Variants in XRN2 observed in about 807,000 individuals in gnomAD.
XRN2 encodes the protein 5'-3' exoribonuclease 2.
In XRN2, 44 loss-of-function variants were observed where a neutral mutation model predicts 138.5. The ratio of observed to expected loss-of-function variants is 0.32; its 90% CI spans 0.25 to 0.41. XRN2 has a LOEUF of 0.41. Ranked by LOEUF, XRN2 falls within the 10% of genes least tolerant of loss-of-function variation. The pLI, the probability that XRN2 is intolerant of heterozygous loss-of-function variation, is 1.00. For missense variants in XRN2, 937 were observed against 1,169.3 expected (o/e 0.80, Z 2.90); for synonymous variants, 354 against 369.4 (o/e 0.96, Z 0.48).
At chr20:21,356,695 G>C in intron 23 of XRN2, 30 bp downstream of exon 23, 1 of 1,575,204 alleles carries the variant, frequency 6.3e-7, no homozygotes, top group Non-Finnish European at 8.7e-7. Flanking sequence ...TAATTGAGGT[G>C]ACTGGAAGGA....
In XRN2 at chr20:21,365,487, A is replaced by G; in HGVS notation, c.2322A>G (p.Ala774=). ...YIFKAVMLPG[A]RKPAAVLKPS... is the part of the protein sequence containing the mutation. ...TTAAAGCTGTAATGCTTCCAGGAGC[A>G]AGGTAACAACAGTAAATTACCTAGA... Residue 774 remains alanine (A), a splice_region_variant and synonymous_variant, in exon 25 of 30, where the codon GCA becomes GCG. Transcript: ENST00000377191. The G allele has an allele frequency of 6.2e-7, 1 of 1,613,906 alleles. No homozygotes were observed. The highest frequency in any genetic ancestry group is 1.1e-5 in the South Asian group (1 of 91,030).
chr20:21,357,958 C>G (rs529439598), intron 24 of XRN2, among the ~76,000 whole-genome samples, 166 bp downstream of exon 24: 1 of 152,308 alleles, frequency 6.6e-6, no homozygotes, highest in Non-Finnish European at 1.5e-5. Flanking sequence ...CCTCTTAACT[C>G]TAAATTATGT....
intron 28 of XRN2, among the ~76,000 whole-genome samples, chr20:21,385,534 T>C (rs2038928713): frequency 6.6e-6 from 1 of 152,236 alleles, no homozygotes. Context: ...GAATTACTTA[T>C]AACACATTGT....
chr20:21,321,016 G>C (rs1435654234), intron 1 of XRN2, among the ~76,000 whole-genome samples: 1 of 151,742 alleles, frequency 6.6e-6, no homozygotes, highest in Admixed American at 6.6e-5. Flanking sequence ...CACTGTTTTG[G>C]TTTGTTTCTT....
At position 21,348,143 on chromosome 20, in the gene XRN2, T is replaced by C; in HGVS notation, c.1666-3T>C. On this transcript the variant is annotated splice_polypyrimidine_tract_variant and splice_region_variant and intron_variant, in intron 17 of 29. Coordinates refer to ENST00000377191, the MANE Select transcript of XRN2 (RefSeq NM_012255.5). ...TTTGTTGTTACTTTTTTAATGATTCTAGGGCTGTGCTTCCTGGAAGTGGTA... is the reference window on the plus strand; with the variant it reads ...TTTGTTGTTACTTTTTTAATGATTCCAGGGCTGTGCTTCCTGGAAGTGGTA... 6.2e-7 allele frequency: 1 copy of C among 1,605,788 alleles called. No individual in the cohort carries two copies.
chr20:21,356,484 T>G, intron 22 of XRN2, 102 bp from the exon 23 acceptor site: 1 of 1,032,958 alleles, frequency 9.7e-7, no homozygotes, highest in African/African-American at 1.6e-5. Context: ...TGTTTCTGCC[T>G]TTTGGCTCTT....
At chr20:21,331,502 G>T in intron 6 of XRN2, 59 bp from the exon 7 acceptor site, 1 of 1,427,522 alleles carries the variant, frequency 7.0e-7, no homozygotes, top group Non-Finnish European at 9.8e-7. Flanking sequence ...TAATTCTTTT[G>T]ATTTTTGTGC....
chr20:21,308,544 A>G, intron 1 of XRN2, among the ~76,000 whole-genome samples: 1 of 152,204 alleles, frequency 6.6e-6, no homozygotes, highest in East Asian at 1.9e-4. Context: ...TTTTAGTTTT[A>G]GGTAGTCCAG....
chr20:21,380,452 A>C (rs1296535011), intron 27 of XRN2, among the ~76,000 whole-genome samples: 1 of 152,148 alleles, frequency 6.6e-6, no homozygotes, highest in Non-Finnish European at 1.5e-5. Flanking sequence ...TATTGTAAGA[A>C]CTTCTTACTT....
chr20:21,373,143 G>T (rs531316585), intron 27 of XRN2, among the ~76,000 whole-genome samples: 15 of 152,174 alleles, frequency 9.9e-5, no homozygotes, highest in African/African-American at 2.9e-4. Flanking sequence ...CTGTGTAGCT[G>T]GGATTACAGG....
intron 19 of XRN2, 24 bp downstream of exon 19, chr20:21,348,454 G>T (rs748986080): frequency 1.9e-6 from 3 of 1,593,388 alleles, no homozygotes; most frequent in African/African-American, 1.4e-5. Context: ...TTTTGAGTGT[G>T]TGGGTGACAG....
At chr20:21,330,215 C>G (rs180685867) in intron 4 of XRN2, among the ~76,000 whole-genome samples, 246 of 152,136 alleles carry the variant, frequency 1.6e-3, no homozygotes, top group Middle Eastern at 6.8e-3. Flanking sequence ...CCCCGGAAGG[C>G]GGAGGTTGCA....
chr20:21,342,093 G>A (rs905966602), intron 15 of XRN2, among the ~76,000 whole-genome samples: 5 of 152,090 alleles, frequency 3.3e-5, no homozygotes, highest in Non-Finnish European at 5.9e-5. Context: ...TATGGAATTC[G>A]AATCTTTGCA....
At position 21,338,017 on chromosome 20, in the gene XRN2, G is replaced by A. The variant is rs142104292; in HGVS notation, c.1234-1027G>A. ...GGTTTCTACATCAGAGGAGGTTTTA[G>A]GGTAGTTGATCACCTGGGCTCCACT... On this transcript the variant is annotated intron_variant, in intron 13 of 29. Coordinates refer to ENST00000377191, the MANE Select transcript of XRN2 (RefSeq NM_012255.5). Among the ~76,000 whole-genome samples the A allele has an allele frequency of 1.3e-3, 199 of 152,286 alleles. 1 individual carries two copies. Among genetic ancestry groups the A allele is most frequent in the African/African-American group, 4.6e-3 (191 of 41,574 alleles).
At chr20:21,356,499 A>G (rs1250416067) in intron 22 of XRN2, 87 bp from the exon 23 acceptor site, 6 of 1,207,664 alleles carry the variant, frequency 5.0e-6, no homozygotes, top group Non-Finnish European at 7.1e-6. Context: ...GCTCTTATGA[A>G]TGATGCTGCT....
Position 21,348,267 on chromosome 20 carries a change from C to T in XRN2, c.1773+14C>T, listed in dbSNP as rs765061615. On this transcript the variant is annotated intron_variant, in intron 18 of 29. Transcript: ENST00000377191. ...GGTACGAAACCGGTAAGCTTAATTACTTAAAGTCATAAAGTTTATAGAATT... is the reference window on the plus strand; with the variant it reads ...GGTACGAAACCGGTAAGCTTAATTATTTAAAGTCATAAAGTTTATAGAATT... 3.1e-6 allele frequency: 5 copies of T among 1,612,602 alleles called. No individual in the cohort carries two copies. The African/African-American group carries it at 4.0e-5, about 13-fold the overall frequency.
chr20:21,365,542 A>T (rs776325103), intron 25 of XRN2, 31 bp from the exon 26 acceptor site: 1 of 1,613,104 alleles, frequency 6.2e-7, no homozygotes, highest in South Asian at 1.1e-5. Context: ...TTTCATCCCT[A>T]TTACTAAGTG....
At chr20:21,361,375 G>A (rs2038635385) in intron 24 of XRN2, among the ~76,000 whole-genome samples, 1 of 152,162 alleles carries the variant, frequency 6.6e-6, no homozygotes, top group Non-Finnish European at 1.5e-5. Context: ...AAGCTGGTCT[G>A]GTACATAAAA....
At chr20:21,359,121 A>G (rs1221864874) in intron 24 of XRN2, among the ~76,000 whole-genome samples, 2 of 152,222 alleles carry the variant, frequency 1.3e-5, no homozygotes, top group African/African-American at 2.4e-5. Context: ...GGAGAGTTAC[A>G]GAGTTAATGG....
Sources: gnomAD v4.1 joint callset for allele counts (sites outside exome capture counted in the v4.1 genomes callset) on GRCh38, gnomAD v4.1.1 for gene constraint, MANE v1.5 for transcripts, NCBI Gene and HGNC (gene_info 2026-07-23, HGNC 2026-07-21) for gene names.